Variants in HMGA2 observed in about 807,000 individuals in gnomAD.
HMGA2 encodes high mobility group protein HMGI-C.
A neutral mutation model predicts 19.1 loss-of-function variants in HMGA2; 8 were observed. The observed-to-expected ratio is 0.42, with a 90% CI of 0.25 to 0.76. The LOEUF (loss-of-function observed/expected upper bound fraction) is 0.76. Ranked by LOEUF, HMGA2 falls within the 30% of genes least tolerant of loss-of-function variation. The probability of loss-of-function intolerance (pLI) is 0.28; values close to 1 mark genes in which losing one functional copy is unlikely to be tolerated. For synonymous variants in HMGA2, 60 were observed against 48.8 expected (o/e 1.23, Z -0.96); for missense variants, 109 against 136.3 (o/e 0.80, Z 1.00).
intron 3 of HMGA2, chr12:65,860,011 G>C (rs1477106069): frequency 2.7e-5 from 12 of 450,278 alleles, no homozygotes; most frequent in Non-Finnish European, 4.9e-5. Context: ...GAAAATGCTT[G>C]AGCCTGGCAT....
intron 3 of HMGA2, among the ~76,000 whole-genome samples, chr12:65,946,497 A>AT (rs199754878): frequency 4.6e-5 from 7 of 151,856 alleles, no homozygotes; most frequent in Admixed American, 1.3e-4. Context: ...ATTGTGCCTA[A>AT]TTTTTTTTTA....
At chr12:65,901,528 T>G (rs1874371441) in intron 3 of HMGA2, among the ~76,000 whole-genome samples, 1 of 152,226 alleles carries the variant, frequency 6.6e-6, no homozygotes, top group African/African-American at 2.4e-5. Context: ...ACACTGTTGT[T>G]GGTGATAGAA....
intron 3 of HMGA2, among the ~76,000 whole-genome samples, chr12:65,870,035 T>C (rs1175909403): frequency 6.6e-6 from 1 of 151,320 alleles, no homozygotes; most frequent in Non-Finnish European, 1.5e-5. Context: ...AAAAAAGTAG[T>C]GCACAATATT....
At chr12:65,837,278 ATGT>A (rs982412421) in intron 2 of HMGA2, among the ~76,000 whole-genome samples, 2 of 152,154 alleles carry the variant, frequency 1.3e-5, no homozygotes, top group African/African-American at 2.4e-5. Context: ...TTGGTGAGAA[ATGT>A]TGTGGCTTAT....
chr12:65,920,233 G>GA (rs1875256680), intron 3 of HMGA2, among the ~76,000 whole-genome samples: 1 of 152,104 alleles, frequency 6.6e-6, no homozygotes, highest in Admixed American at 6.5e-5. Context: ...ATGTGCACAG[G>GA]AAACGCTTGC....
At chr12:65,848,491 T>G (rs1871317975) in intron 3 of HMGA2, among the ~76,000 whole-genome samples, 1 of 152,196 alleles carries the variant, frequency 6.6e-6, no homozygotes, top group Admixed American at 6.5e-5. Flanking sequence ...GACAACAACC[T>G]GAAATCCTAG....
intron 3 of HMGA2, among the ~76,000 whole-genome samples, chr12:65,893,004 C>T (rs534855740): frequency 7.2e-5 from 11 of 152,250 alleles, no homozygotes; most frequent in Non-Finnish European, 1.5e-4. Flanking sequence ...AGTGTAAAGA[C>T]GGCAGTGTAT....
Position 65,887,252 on chromosome 12 carries a change from G to T in HMGA2, c.249+48683G>T, listed in dbSNP as rs572340167. 2.6e-5 allele frequency among the ~76,000 whole-genome samples: 4 copies of T among 152,270 alleles called. 1 individual carries two copies. The South Asian group carries it at 8.3e-4, about 32-fold the overall frequency. On this transcript the variant is annotated intron_variant, in intron 3 of 4. Coordinates refer to ENST00000403681, the MANE Select transcript of HMGA2 (RefSeq NM_003483.6). ...ATCTTGGCTATTCTTTTTCAAGCTG[G>T]CATTCCAATGAGTCACCATATGGAA...
intron 3 of HMGA2, among the ~76,000 whole-genome samples, chr12:65,891,023 G>T (rs949675327): frequency 2.0e-5 from 3 of 152,118 alleles, no homozygotes; most frequent in Admixed American, 2.0e-4. Context: ...GAGCCATAGC[G>T]CCCAGCCGAC....
chr12:65,905,041 C>CA lies in HMGA2; in HGVS notation c.250-46330dup, dbSNP rs768245780. Among the ~76,000 whole-genome samples the CA allele has an allele frequency of 5.5e-3, 749 of 137,148 alleles. 7 individuals carry two copies. Among genetic ancestry groups the CA allele is most frequent in the African/African-American group, 0.016 (580 of 37,382 alleles). 90.0% of individuals were successfully genotyped at this position (137,148 alleles called of 152,430 possible). A position where few individuals can be genotyped will look rare whatever the true frequency, so the allele number is the denominator to read the frequency against. On this transcript the variant is annotated intron_variant, in intron 3 of 4. Transcript: ENST00000403681. ...TGGACAACAGAGCAAGACTCCATCT[C>CA]AAAAAAAAAAAAGTTTATTTTAATT...
intron 3 of HMGA2, among the ~76,000 whole-genome samples, chr12:65,879,146 G>C (rs1330794311): frequency 6.6e-6 from 1 of 151,814 alleles, no homozygotes; most frequent in Non-Finnish European, 1.5e-5. Flanking sequence ...TTTTATTTTT[G>C]AGACAGTGTC....
At chr12:65,944,528 G>A (rs190101531) in intron 3 of HMGA2, among the ~76,000 whole-genome samples, 1 of 152,290 alleles carries the variant, frequency 6.6e-6, no homozygotes, top group East Asian at 1.9e-4. Context: ...GTAAGGGGAA[G>A]GATCCAGGCT....
At chr12:65,842,843 G>A (rs1265906616) in intron 3 of HMGA2, 1 of 1,325,556 alleles carries the variant, frequency 7.5e-7, no homozygotes, top group Non-Finnish European at 9.6e-7. Context: ...TTTAGTGATG[G>A]AAAGTATTTG....
chr12:65,949,073 TCCTCTATTAGC>T (rs1231076266), intron 3 of HMGA2, among the ~76,000 whole-genome samples: 1 of 152,118 alleles, frequency 6.6e-6, no homozygotes, highest in Non-Finnish European at 1.5e-5. Flanking sequence ...TGGAAATGAA[TCCTCTATTAGC>T]CCACGCTTTT....
intron 3 of HMGA2, among the ~76,000 whole-genome samples, chr12:65,896,894 T>G (rs1370734265): frequency 6.6e-6 from 1 of 152,232 alleles, no homozygotes; most frequent in Non-Finnish European, 1.5e-5. Context: ...ACACAAGAAT[T>G]CAACTTCATG....
chr12:65,852,205 T>G, intron 3 of HMGA2, among the ~76,000 whole-genome samples: 1 of 152,030 alleles, frequency 6.6e-6, no homozygotes, highest in East Asian at 2.0e-4. Context: ...CAATTAAAAT[T>G]TCATACACTA....
In HMGA2 at chr12:65,964,046, T is replaced by A. The variant is rs1236275307; in HGVS notation, c.*754T>A. On this transcript the variant is annotated 3_prime_UTR_variant, in exon 5 of 5. Transcript: ENST00000403681. ...GAGTAATAAATTTACTCACAGCACT[T>A]GTTTTCAGGACAACACTTCATTTTC... 2 of 206,666 alleles carry A rather than the reference T, an allele frequency of 9.7e-6. No individual in the cohort carries two copies. Among genetic ancestry groups the A allele is most frequent in the African/African-American group, 4.6e-5 (2 of 43,886 alleles). 12.8% of individuals were successfully genotyped at this position (206,666 alleles called of 1,614,324 possible).
At chr12:65,864,102 G>C (rs557980778) in intron 3 of HMGA2, among the ~76,000 whole-genome samples, 11 of 152,268 alleles carry the variant, frequency 7.2e-5, no homozygotes, top group African/African-American at 2.6e-4. Flanking sequence ...TTTTGTGCTA[G>C]TAGTTGTTGA....
chr12:65,905,162 G>A (rs1040488466), intron 3 of HMGA2, among the ~76,000 whole-genome samples: 2 of 151,376 alleles, frequency 1.3e-5, no homozygotes, highest in Non-Finnish European at 2.9e-5. Flanking sequence ...TTGGGAGTAG[G>A]TTATAATGAA....
Sources: gnomAD v4.1 joint callset for allele counts (sites outside exome capture counted in the v4.1 genomes callset) on GRCh38, gnomAD v4.1.1 for gene constraint, MANE v1.5 for transcripts, NCBI Gene and HGNC (gene_info 2026-07-23, HGNC 2026-07-21) for gene names.